COL23A1: variants seen among roughly 807,000 people sequenced by gnomAD.
The protein encoded by COL23A1 is collagen type XXIII alpha 1 chain, also known as collagen alpha-1(XXIII) chain.
COL23A1 carries 97 observed loss-of-function variants against 99.3 expected under a neutral mutation model. The observed-to-expected ratio is 0.98, with a 90% CI of 0.83 to 1.16. COL23A1 has a LOEUF of 1.16. COL23A1 is among the 50% of genes most tolerant of loss of function. The pLI is 0.00. For missense variants in COL23A1, 762 were observed against 757.4 expected, an observed-to-expected ratio of 1.01 and a Z score of -0.07; for synonymous variants, 320 against 308.2, an observed-to-expected ratio of 1.04 and a Z score of -0.40.
At chr5:178,540,562 G>T (rs1174743615) in intron 2 of COL23A1, among the ~76,000 whole-genome samples, 1 of 152,176 alleles carries the variant, frequency 6.6e-6, no homozygotes, top group Non-Finnish European at 1.5e-5. Context: ...ATGAATCGGA[G>T]GCCTGAAGAG....
At chr5:178,375,262 G>A (rs1215452001) in intron 2 of COL23A1, among the ~76,000 whole-genome samples, 1 of 152,160 alleles carries the variant, frequency 6.6e-6, no homozygotes, top group Non-Finnish European at 1.5e-5. Flanking sequence ...AGGGGCTGGG[G>A]GAGAGGAGGG....
chr5:178,529,532 T>C (rs1276596611), intron 2 of COL23A1, among the ~76,000 whole-genome samples: 1 of 152,216 alleles, frequency 6.6e-6, no homozygotes, highest in Admixed American at 6.5e-5. Context: ...GCCTTTCTAG[T>C]TACATAAACC....
At chr5:178,324,428 C>T (rs7725850) in intron 2 of COL23A1, among the ~76,000 whole-genome samples, 159 of 152,244 alleles carry the variant, frequency 1.0e-3, no homozygotes, top group African/African-American at 3.7e-3. Context: ...TTTGCAAAAA[C>T]CAGGGAGACC....
intron 2 of COL23A1, among the ~76,000 whole-genome samples, chr5:178,320,324 T>C (rs976952978): frequency 2.6e-5 from 4 of 152,142 alleles, no homozygotes; most frequent in South Asian, 4.1e-4. Context: ...GGAACAATGG[T>C]TGGCCTCGCT....
At chr5:178,326,543 C>T (rs149810101) in intron 2 of COL23A1, among the ~76,000 whole-genome samples, 38 of 152,244 alleles carry the variant, frequency 2.5e-4, no homozygotes, top group African/African-American at 9.1e-4. Context: ...AACATGTGGG[C>T]CCTGGCCATC....
intron 3 of COL23A1, among the ~76,000 whole-genome samples, chr5:178,304,589 G>A (rs1758252718): frequency 6.6e-6 from 1 of 151,562 alleles, no homozygotes; most frequent in Non-Finnish European, 1.5e-5. Flanking sequence ...TACAAGGGAA[G>A]GCATGAAAGC....
At position 178,545,683 on chromosome 5, in the gene COL23A1, G is replaced by A. The variant is rs2113385314; in HGVS notation, c.361+14999C>T. Among the ~76,000 whole-genome samples the A allele has an allele frequency of 2.6e-5, 4 of 152,204 alleles. No homozygotes were observed. In the South Asian group the frequency reaches 6.2e-4, roughly 24 times the overall value. On this transcript the variant is annotated intron_variant, in intron 2 of 28. Transcript: ENST00000390654. ...GGGATTCTGGCCCCAAGTGAACCGA[G>A]GGTCTAAGCAGGGATGATGTGCTTT...
chr5:178,426,830 A>C (rs1241737865), intron 2 of COL23A1, among the ~76,000 whole-genome samples: 1 of 152,248 alleles, frequency 6.6e-6, no homozygotes, highest in East Asian at 1.9e-4. Context: ...TTCCTCATCA[A>C]AGAACATAGA....
chr5:178,290,895 G>T (rs1489767664), intron 3 of COL23A1, among the ~76,000 whole-genome samples: 1 of 152,222 alleles, frequency 6.6e-6, no homozygotes, highest in Non-Finnish European at 1.5e-5. Flanking sequence ...GCTGAGGCTT[G>T]TCTACCAGAT....
At chr5:178,279,496 C>G (rs1224481437) in intron 5 of COL23A1, among the ~76,000 whole-genome samples, 1 of 152,236 alleles carries the variant, frequency 6.6e-6, no homozygotes, top group Non-Finnish European at 1.5e-5. Flanking sequence ...TCAGGCTAGA[C>G]CCTCCACCTT....
Position 178,428,541 on chromosome 5 carries a change from G to A in COL23A1, c.362-121622C>T, listed in dbSNP as rs528257633. Among the ~76,000 whole-genome samples the A allele has an allele frequency of 1.8e-3, 278 of 152,358 alleles. 7 individuals are homozygous for A. Among genetic ancestry groups the A allele is most frequent in the Non-Finnish European group, 5.4e-4 (37 of 68,034 alleles). ...CTGTGTCCAGGAGCCGCGGCAGGGT[G>A]CCCAGCGGGGCCTCTTGGATGCTCC... On this transcript the variant is annotated intron_variant, in intron 2 of 28. Transcript: ENST00000390654. This position sits in a 1 kb window ranked among gnomAD's most constrained non-coding sequence, Gnocchi z 5.0.
intron 2 of COL23A1, among the ~76,000 whole-genome samples, chr5:178,407,853 G>T (rs566857318): frequency 2.6e-5 from 4 of 152,232 alleles, no homozygotes; most frequent in Non-Finnish European, 1.5e-5. Context: ...TAAAACAAAA[G>T]ATCTGACATT....
chr5:178,302,060 A>C (rs1581112736), intron 3 of COL23A1, among the ~76,000 whole-genome samples: 1 of 120,482 alleles, frequency 8.3e-6, no homozygotes. Flanking sequence ...TCAATGCTGC[A>C]CCTCTGTGTG....
chr5:178,277,742 A>C (rs1003240133), intron 5 of COL23A1, among the ~76,000 whole-genome samples: 10 of 151,674 alleles, frequency 6.6e-5, no homozygotes, highest in Non-Finnish European at 1.5e-5. Flanking sequence ...CATGGCTAGC[A>C]GAGGTGGTGT....
At chr5:178,507,121 C>A (rs570278117) in intron 2 of COL23A1, among the ~76,000 whole-genome samples, 4 of 152,314 alleles carry the variant, frequency 2.6e-5, no homozygotes, top group African/African-American at 9.6e-5. Context: ...AATATGTAGA[C>A]ACACTCCTAT....
chr5:178,246,566 C>A, intron 22 of COL23A1, 113 bp from the exon 23 acceptor site: 1 of 1,090,854 alleles, frequency 9.2e-7, no homozygotes, highest in South Asian at 1.5e-5. Flanking sequence ...CAGATCGAGG[C>A]TCCCCCAGGC....
intron 1 of COL23A1, among the ~76,000 whole-genome samples, chr5:178,573,200 A>T (rs1234589853): frequency 6.6e-6 from 1 of 152,174 alleles, no homozygotes; most frequent in East Asian, 1.9e-4. Context: ...AGTTCACTGT[A>T]TGTCAATTAT....
chr5:178,358,341 G>GTA (rs879061743), intron 2 of COL23A1, among the ~76,000 whole-genome samples: 14,548 of 147,236 alleles, frequency 0.099, 884 homozygotes, highest in Middle Eastern at 0.25. Flanking sequence ...TATGTCTAAT[G>GTA]TGTGTATTGT....
chr5:178,398,041 T>C (rs534270245), intron 2 of COL23A1, among the ~76,000 whole-genome samples: 96 of 152,178 alleles, frequency 6.3e-4, no homozygotes, highest in Non-Finnish European at 1.2e-3. Flanking sequence ...GCTGTAACAC[T>C]GCCTGGGTCT....
Sources: allele counts gnomAD v4.1 joint callset (sites outside exome capture counted in the v4.1 genomes callset), GRCh38; gene constraint gnomAD v4.1.1; non-coding constraint Gnocchi (gnomAD v3.1); transcripts MANE v1.5; gene names NCBI Gene and HGNC (gene_info 2026-07-23, HGNC 2026-07-21).